The following NXPE2 variants were observed in gnomAD, a reference collection of about 807,000 sequenced individuals.
NXPE2 encodes the protein neurexophilin and PC-esterase domain family member 2.
A neutral mutation model predicts 34.4 loss-of-function variants in NXPE2; 34 were observed. The ratio of observed to expected loss-of-function variants is 0.99; its 90% CI spans 0.75 to 1.31. NXPE2 has a LOEUF of 1.31. Among genes scored for constraint, NXPE2 ranks in the 40% most tolerant of loss-of-function variants. The pLI is 0.00. For missense variants in NXPE2, 649 were observed against 672.5 expected, an observed-to-expected ratio of 0.97 and a Z score of 0.39; for synonymous variants, 235 against 231.3, an observed-to-expected ratio of 1.02 and a Z score of -0.15.
intron 2 of NXPE2, among the ~76,000 whole-genome samples, chr11:114,695,636 G>A (rs1208315041): frequency 6.6e-6 from 1 of 152,010 alleles, no homozygotes; most frequent in Admixed American, 6.5e-5. Context: ...CATATCAATA[G>A]AACACTAAAT....
At chr11:114,533,325 TAAG>T in the NXPE2 span, among the ~76,000 whole-genome samples, 4 of 152,254 alleles carry the variant, frequency 2.6e-5, no homozygotes, top group East Asian at 7.7e-4. Context: ...GATGGCAGAA[TAAG>T]AACAGCTCCA....
the NXPE2 span, among the ~76,000 whole-genome samples, chr11:114,640,071 A>C: frequency 1.9e-5 from 2 of 107,508 alleles, no homozygotes; most frequent in African/African-American, 9.5e-5. Flanking sequence ...TTTAAAATAT[A>C]ATATATAATA....
the NXPE2 span, among the ~76,000 whole-genome samples, chr11:114,716,126 T>C: frequency 6.6e-6 from 1 of 152,238 alleles, no homozygotes; most frequent in Admixed American, 6.5e-5. Flanking sequence ...ATCCTGTCCA[T>C]GTACCCCCTC....
chr11:114,633,897 A>G, the NXPE2 span, among the ~76,000 whole-genome samples: 1 of 151,968 alleles, frequency 6.6e-6, no homozygotes, highest in Non-Finnish European at 1.5e-5. Flanking sequence ...CAAGTCTGCT[A>G]TTGTGAGTAG....
chr11:114,804,883 C>T, the NXPE2 span, among the ~76,000 whole-genome samples: 11 of 152,330 alleles, frequency 7.2e-5, no homozygotes, highest in Middle Eastern at 3.4e-3. Context: ...AAACTCCACA[C>T]TCTGTAGACT....
At chr11:114,623,482 G>A in the NXPE2 span, among the ~76,000 whole-genome samples, 8 of 151,934 alleles carry the variant, frequency 5.3e-5, no homozygotes, top group Admixed American at 3.9e-4. Flanking sequence ...ATTTCCTCTC[G>A]GGTAACCACT....
the NXPE2 span, among the ~76,000 whole-genome samples, chr11:114,598,461 G>T: frequency 1.3e-5 from 2 of 152,230 alleles, no homozygotes; most frequent in East Asian, 3.8e-4. Flanking sequence ...CACTGCCCTA[G>T]TAGAGGTTAT....
chr11:114,805,816 A>C, the NXPE2 span, among the ~76,000 whole-genome samples: 9 of 152,248 alleles, frequency 5.9e-5, 1 homozygote, highest in Admixed American at 3.9e-4. Flanking sequence ...GCAGACTTAA[A>C]TGTCCCTCTC....
chr11:114,648,084 G>C, the NXPE2 span, among the ~76,000 whole-genome samples: 1 of 152,040 alleles, frequency 6.6e-6, no homozygotes, highest in Non-Finnish European at 1.5e-5. Flanking sequence ...CTTTGCCCTG[G>C]TTCCTGAGAC....
the NXPE2 span, among the ~76,000 whole-genome samples, chr11:114,590,257 C>A: frequency 6.6e-6 from 1 of 152,174 alleles, no homozygotes; most frequent in Admixed American, 6.6e-5. Flanking sequence ...AATTTCTTAG[C>A]TGACAGAGCA....
chr11:114,641,768 G>A, the NXPE2 span, among the ~76,000 whole-genome samples: 164 of 152,026 alleles, frequency 1.1e-3, no homozygotes, highest in African/African-American at 3.9e-3. Flanking sequence ...TTTGATCAAG[G>A]GGAAAAGAAA....
chr11:114,639,784 T>A, the NXPE2 span, among the ~76,000 whole-genome samples: 1 of 126,004 alleles, frequency 7.9e-6, no homozygotes, highest in East Asian at 2.2e-4. Flanking sequence ...ATATAAAATA[T>A]AATATATATT....
the NXPE2 span, among the ~76,000 whole-genome samples, chr11:114,489,337 A>G: frequency 2.0e-5 from 3 of 152,196 alleles, no homozygotes; most frequent in Non-Finnish European, 4.4e-5. Context: ...GAAAACGGGA[A>G]TCCTCCCTAA....
At chr11:114,499,459 A>G in the NXPE2 span, among the ~76,000 whole-genome samples, 1 of 152,134 alleles carries the variant, frequency 6.6e-6, no homozygotes, top group Non-Finnish European at 1.5e-5. Flanking sequence ...AAGGCTATAA[A>G]ATTTCTTCTG....
At chr11:114,626,823 A>C in the NXPE2 span, among the ~76,000 whole-genome samples, 1 of 152,190 alleles carries the variant, frequency 6.6e-6, no homozygotes, top group Admixed American at 6.5e-5. Context: ...GAAGTGCTTA[A>C]AGGAGCTGGT....
At chr11:114,720,635 A>C in the NXPE2 span, among the ~76,000 whole-genome samples, 7 of 150,566 alleles carry the variant, frequency 4.6e-5, no homozygotes, top group Non-Finnish European at 8.9e-5. Context: ...GCAAAAAAAC[A>C]CCAGAATATA....
the NXPE2 span, among the ~76,000 whole-genome samples, chr11:114,669,916 T>C: frequency 8.2e-3 from 1,245 of 152,126 alleles, 18 homozygotes; most frequent in African/African-American, 0.028. Context: ...AAGGTCTGAT[T>C]GCAAAAATTC....
chr11:114,754,074 A>T, the NXPE2 span, among the ~76,000 whole-genome samples: 1 of 152,198 alleles, frequency 6.6e-6, no homozygotes, highest in Admixed American at 6.5e-5. Context: ...AATGAAAATG[A>T]TAATGATGAT....
the NXPE2 span, among the ~76,000 whole-genome samples, chr11:114,748,440 G>A: frequency 6.6e-6 from 1 of 152,182 alleles, no homozygotes. Context: ...TACAGCAAAA[G>A]AATTCAATTT....
Sources: allele counts gnomAD v4.1 joint callset (sites outside exome capture counted in the v4.1 genomes callset), GRCh38; gene constraint gnomAD v4.1.1; transcripts MANE v1.5; gene names NCBI Gene and HGNC (gene_info 2026-07-23, HGNC 2026-07-21).